SLC25A26: variants seen among roughly 807,000 people sequenced by gnomAD.
SLC25A26 encodes the protein mitochondrial S-adenosylmethionine carrier protein.
SLC25A26 carries 36 observed loss-of-function variants against 37.8 expected under a neutral mutation model. The ratio of observed to expected loss-of-function variants is 0.95; its 90% confidence interval spans 0.73 to 1.26. The LOEUF is 1.26. SLC25A26 is among the 50% of genes most tolerant of loss of function. The pLI, the probability that SLC25A26 is intolerant of heterozygous loss-of-function variation, is 0.00. For synonymous variants in SLC25A26, 129 were observed against 122.5 expected, an observed-to-expected ratio of 1.05 and a Z score of -0.35; for missense variants, 390 against 331.1, an observed-to-expected ratio of 1.18 and a Z score of -1.38.
rs147579838 is a variant in SLC25A26 at position 66,173,393 on chromosome 3, C to G, written c.-354+39409C>G. Among the ~76,000 whole-genome samples the G allele has an allele frequency of 4.6e-3, 696 of 152,234 alleles. 4 individuals carry two copies. The highest frequency in any genetic ancestry group is 9.0e-3 in the Admixed American group (138 of 15,294). On this transcript the variant is annotated intron_variant, in intron 1 of 10. Transcript: ENST00000676754. The stretch of plus-strand genomic sequence containing the variant: ...ATAGGGTACTGGTACCAGCAGAGGC[C>G]TCACATAAGTGGACAAGACCTGACC...
chr3:66,294,809 T>G lies in SLC25A26; in HGVS notation c.453+31430T>G, dbSNP rs374411982. 7.2e-5 allele frequency among the ~76,000 whole-genome samples: 11 copies of G among 152,184 alleles called. No individual in the cohort carries two copies. The East Asian group carries it at 1.5e-3, about 21-fold the overall frequency. On this transcript the variant is annotated intron_variant, in intron 5 of 9. Transcript: ENST00000354883. ...TCATTTACTGATTACCACACGTAATTGTTAGGAAAGTCTTTGTAGCAAAAA... is the reference window on the plus strand; with the variant it reads ...TCATTTACTGATTACCACACGTAATGGTTAGGAAAGTCTTTGTAGCAAAAA...
intron 3 of SLC25A26, among the ~76,000 whole-genome samples, chr3:66,248,552 T>A (rs2072948391): frequency 6.6e-6 from 1 of 152,224 alleles, no homozygotes; most frequent in African/African-American, 2.4e-5. Flanking sequence ...TTATCCTACT[T>A]TTGTCTTTAT....
intron 1 of SLC25A26, among the ~76,000 whole-genome samples, chr3:66,141,683 T>G (rs989569016): frequency 2.0e-5 from 3 of 152,154 alleles, no homozygotes; most frequent in Non-Finnish European, 4.4e-5. Context: ...CAGCTGATTT[T>G]TGTATTTTTT....
chr3:66,362,599 G>A (rs1228180698), intron 6 of SLC25A26, among the ~76,000 whole-genome samples: 1 of 152,170 alleles, frequency 6.6e-6, no homozygotes, highest in East Asian at 1.9e-4. Context: ...TTGTGGCGAT[G>A]ATGTTTTGTG....
At chr3:66,250,171 A>G (rs1157449239) in intron 3 of SLC25A26, among the ~76,000 whole-genome samples, 2 of 152,158 alleles carry the variant, frequency 1.3e-5, no homozygotes, top group African/African-American at 4.8e-5. Context: ...TCACTTGTAC[A>G]TCTTTGATTC....
chr3:66,315,731 A>G (rs2075520448), intron 5 of SLC25A26, among the ~76,000 whole-genome samples: 1 of 152,124 alleles, frequency 6.6e-6, no homozygotes, highest in Admixed American at 6.6e-5. Context: ...CTCCCACTAT[A>G]CTTGTGTGGG....
rs965163086 is a variant in SLC25A26 at position 66,134,832 on chromosome 3, T to A, written c.-354+848T>A. ...CAATATTTCTTTTCTTTCCTTTATT[T>A]TTTTTTTTATTTTTTGAGACGGAGT... On this transcript the variant is annotated intron_variant, in intron 1 of 10. Transcript: ENST00000676754. 2.6e-5 allele frequency among the ~76,000 whole-genome samples: 4 copies of A among 151,934 alleles called. No individual in the cohort carries two copies. In the East Asian group the frequency reaches 7.7e-4, roughly 29 times the overall value.
At chr3:66,248,960 G>A (rs902833901) in intron 3 of SLC25A26, among the ~76,000 whole-genome samples, 6 of 152,088 alleles carry the variant, frequency 3.9e-5, no homozygotes, top group Non-Finnish European at 7.4e-5. Flanking sequence ...CACTGATCTA[G>A]GCACATAAAA....
chr3:66,266,576 CTTTTT>C (rs1004250488), intron 5 of SLC25A26, among the ~76,000 whole-genome samples: 7 of 111,566 alleles, frequency 6.3e-5, no homozygotes, highest in African/African-American at 2.6e-4. Context: ...TGTTGTCACA[CTTTTT>C]TTTTTTTTTT....
In SLC25A26 at chr3:66,362,841, T is replaced by C; in HGVS notation, c.499-19T>C. On this transcript the variant is annotated intron_variant, in intron 6 of 9. Transcript: ENST00000354883. ...TCAAATATTTAATAACTTGTATTTT[T>C]CTTTCTCCTTAAACACAGGCCCTCT... 5 of 1,551,178 alleles carry C rather than the reference T, an allele frequency of 3.2e-6. No individual in the cohort carries two copies. Among genetic ancestry groups the C allele is most frequent in the Non-Finnish European group, 4.4e-6 (5 of 1,144,714 alleles).
chr3:66,256,425 A>G (rs2073304237), intron 3 of SLC25A26, among the ~76,000 whole-genome samples: 1 of 152,136 alleles, frequency 6.6e-6, no homozygotes, highest in Non-Finnish European at 1.5e-5. Flanking sequence ...GGTCCATAAT[A>G]AATACTTTTT....
At chr3:66,324,709 C>T (rs1282581722) in intron 5 of SLC25A26, among the ~76,000 whole-genome samples, 1 of 151,970 alleles carries the variant, frequency 6.6e-6, no homozygotes, top group Non-Finnish European at 1.5e-5. Context: ...AGGCTAGAAG[C>T]AAGATGGAGT....
intron 1 of SLC25A26, 65 bp downstream of exon 1, chr3:66,221,192 G>A: frequency 6.9e-7 from 1 of 1,450,672 alleles, no homozygotes; most frequent in Non-Finnish European, 9.2e-7. Flanking sequence ...GCCCGCGGGC[G>A]TTCTCTGCAC....
chr3:66,293,717 A>G (rs2074795508), intron 5 of SLC25A26, among the ~76,000 whole-genome samples: 1 of 152,122 alleles, frequency 6.6e-6, no homozygotes, highest in Admixed American at 6.5e-5. Context: ...AAAGGAAGTG[A>G]TGTCGTTTTT....
At chr3:66,303,157 T>G (rs2075123723) in intron 5 of SLC25A26, among the ~76,000 whole-genome samples, 1 of 152,208 alleles carries the variant, frequency 6.6e-6, no homozygotes, top group Non-Finnish European at 1.5e-5. Flanking sequence ...TTAATACTGC[T>G]TTTAGTCTTT....
At chr3:66,199,964 A>C (rs1422220781) in intron 1 of SLC25A26, among the ~76,000 whole-genome samples, 2 of 152,154 alleles carry the variant, frequency 1.3e-5, no homozygotes, top group African/African-American at 4.8e-5. Context: ...CACACATTCT[A>C]GTTTCATCTA....
At chr3:66,245,974 C>G (rs2072818731) in intron 3 of SLC25A26, among the ~76,000 whole-genome samples, 1 of 152,260 alleles carries the variant, frequency 6.6e-6, no homozygotes, top group East Asian at 1.9e-4. Context: ...CCATTTCACC[C>G]CAACCCTCCC....
intron 1 of SLC25A26, among the ~76,000 whole-genome samples, chr3:66,134,321 A>G (rs953838685): frequency 6.6e-6 from 1 of 152,254 alleles, no homozygotes; most frequent in Non-Finnish European, 1.5e-5. Context: ...GTTTTTGTGA[A>G]TAGAAGGAAA....
chr3:66,195,599 A>C (rs1031898461), intron 1 of SLC25A26, among the ~76,000 whole-genome samples: 1 of 152,218 alleles, frequency 6.6e-6, no homozygotes, highest in Non-Finnish European at 1.5e-5. Context: ...CGTCTGGCTG[A>C]TGGGTGGTGC....
Sources: allele counts gnomAD v4.1 joint callset (sites outside exome capture counted in the v4.1 genomes callset), GRCh38; gene constraint gnomAD v4.1.1; transcripts MANE v1.5; gene names NCBI Gene and HGNC (gene_info 2026-07-23, HGNC 2026-07-21).